DNPEP: variants seen among roughly 807,000 people sequenced by gnomAD.
DNPEP encodes the protein aspartyl aminopeptidase.
DNPEP carries 46 observed loss-of-function variants against 59.1 expected under a neutral mutation model. The ratio of observed to expected loss-of-function variants is 0.78; its 90% CI spans 0.61 to 0.99. DNPEP has a LOEUF of 0.99. DNPEP is among the 50% of genes least tolerant of loss of function. The pLI is 0.00. For missense variants in DNPEP, 617 were observed against 649.9 expected (o/e 0.95, Z 0.55); for synonymous variants, 229 against 242.2 (o/e 0.95, Z 0.50).
At chr2:219,380,712 T>C (rs1953556405) in intron 13 of DNPEP, among the ~76,000 whole-genome samples, 1 of 152,076 alleles carries the variant, frequency 6.6e-6, no homozygotes. Context: ...AATGACAAAA[T>C]TGCCTAATGA....
chr2:219,383,164 G>A lies in DNPEP; in HGVS notation c.903C>T (p.His301=), dbSNP rs1026075607. 11 of 1,614,198 alleles carry A rather than the reference G, an allele frequency of 6.8e-6. No individual in the cohort carries two copies. The highest frequency in any genetic ancestry group is 4.4e-5 in the South Asian group (4 of 91,084). ...AGPGSLATEP[H]VRMVTLYDNE... ...TGTCATAGAGTGTGACCATGCGCACGTGAGGCTCTGTGGCCAGGGAGCCAG... is the reference window on the plus strand; with the variant it reads ...TGTCATAGAGTGTGACCATGCGCACATGAGGCTCTGTGGCCAGGGAGCCAG... Residue 301 remains histidine, a synonymous_variant, in exon 10 of 15, where the codon CAC becomes CAT. Transcript: ENST00000273075.
chr2:219,385,881 A>T (rs1195519128), intron 6 of DNPEP, 87 bp downstream of exon 6: 3 of 1,552,988 alleles, frequency 1.9e-6, no homozygotes, highest in Non-Finnish European at 1.8e-6. Flanking sequence ...CAAGAGTAAA[A>T]TGTGACCTAA....
At chr2:219,387,466 A>T in intron 1 of DNPEP, 6 of 1,430,804 alleles carry the variant, frequency 4.2e-6, no homozygotes, top group Non-Finnish European at 5.5e-6. Flanking sequence ...AAACTCCGGG[A>T]TCCCAAGCGG....
At position 219,383,153 on chromosome 2, in the gene DNPEP, A is replaced by G. The variant is rs1276691295; in HGVS notation, c.914T>C (p.Val305Ala). ...SLATEPHVRM[V>A]TLYDNEEVGS... is the part of the protein sequence containing the mutation. ...TACCTCTTCGTTGTCATAGAGTGTG[A>G]CCATGCGCACGTGAGGCTCTGTGGC... Residue 305 changes from valine (V) to alanine (A), a missense_variant, in exon 10 of 15, where the codon GTC becomes GCC. By Grantham distance (64) the Val-to-Ala change is moderately conservative (BLOSUM62 0). Coordinates refer to ENST00000273075, the MANE Select transcript of DNPEP (RefSeq NM_012100.4). 1 of 1,614,174 alleles carries G rather than the reference A, an allele frequency of 6.2e-7. No homozygotes were observed. The highest frequency in any genetic ancestry group is 1.7e-5 in the Admixed American group (1 of 60,026).
intron 8 of DNPEP, 52 bp from the exon 9 acceptor site, chr2:219,384,495 C>G: frequency 6.7e-7 from 1 of 1,488,594 alleles, no homozygotes; most frequent in South Asian, 1.2e-5. Context: ...CCCCACTCAC[C>G]TTTCTTTTGC....
upstream of DNPEP, among the ~76,000 whole-genome samples, chr2:219,390,421 T>C (rs1362376793): frequency 6.6e-6 from 1 of 152,102 alleles, no homozygotes; most frequent in African/African-American, 2.4e-5. Context: ...AGTAAAAAGG[T>C]TCTTATTGAC....
chr2:219,389,069 G>A (rs1489903198), upstream of DNPEP: 2 of 163,730 alleles, frequency 1.2e-5, no homozygotes, highest in Non-Finnish European at 2.5e-5. Context: ...TGTTACACGG[G>A]AGGTCCACAA....
chr2:219,399,295 A>G, intron 1 of DNPEP: 1 of 362,962 alleles, frequency 2.8e-6, no homozygotes, highest in South Asian at 2.1e-5. Flanking sequence ...ATCAAAGGCC[A>G]ACACCTATCT....
rs964373384 is a variant in DNPEP at position 219,377,216 on chromosome 2, A to G, written c.1240-2194T>C. On this transcript the variant is annotated intron_variant, in intron 13 of 14. Coordinates refer to ENST00000273075, the MANE Select transcript of DNPEP (RefSeq NM_012100.4). ...TTGAACCAGGGAGGCGGAGGTTGCAATGAGCCGAGATCACGCCATTAGACT... is the reference window on the plus strand; with the variant it reads ...TTGAACCAGGGAGGCGGAGGTTGCAGTGAGCCGAGATCACGCCATTAGACT... Among the ~76,000 whole-genome samples, 3 of 137,564 alleles carry G rather than the reference A, an allele frequency of 2.2e-5. No individual in the cohort carries two copies. The Admixed American group carries it at 2.5e-4, about 12-fold the overall frequency. 90.2% of individuals were successfully genotyped at this position (137,564 alleles called of 152,430 possible).
rs748091405 is a variant in DNPEP at position 219,381,537 on chromosome 2, C to T, written c.1137+8G>A. ...TCCAAGTCCCTAGGGAGAAATGGCACGTCTCACCTTGTGGAATAAAGGCCG... is the reference window on the plus strand; with the variant it reads ...TCCAAGTCCCTAGGGAGAAATGGCATGTCTCACCTTGTGGAATAAAGGCCG... On this transcript the variant is annotated splice_region_variant and intron_variant, in intron 12 of 14. Transcript: ENST00000273075. 9 of 1,614,182 alleles carry T rather than the reference C, an allele frequency of 5.6e-6. No homozygotes were observed. Among genetic ancestry groups the T allele is most frequent in the East Asian group, 4.5e-5 (2 of 44,882 alleles).
rs774743002 is a variant in DNPEP, at chr2:219,374,863, G to C, written c.1399C>G (p.Leu467Val). 6.2e-7 allele frequency: 1 copy of C among 1,613,758 alleles called. No individual in the cohort carries two copies. Among genetic ancestry groups the C allele is most frequent in the Admixed American group, 1.7e-5 (1 of 60,004 alleles). The part of the protein sequence containing the change: ...CTTGVLQTLT[L>V]FKGFFELFPS... The stretch of plus-strand genomic sequence containing the variant: ...TCTGGGGTGGGTGTTACCTTGAAGA[G>C]GGTGAGGGTCTGGAGGACTCCTGTG... Residue 467 changes from leucine (L) to valine (V), a missense_variant, in exon 14 of 15, where the codon CTC becomes GTC. Leu to Val is a conservative substitution (Grantham distance 32, BLOSUM62 1). Coordinates refer to ENST00000273075, the MANE Select transcript of DNPEP (RefSeq NM_012100.4).
chr2:219,378,173 A>G (rs1953448849), intron 13 of DNPEP, among the ~76,000 whole-genome samples: 1 of 152,184 alleles, frequency 6.6e-6, no homozygotes, highest in African/African-American at 2.4e-5. Context: ...TAAATTATTA[A>G]AGAAAAATCT....
Position 219,380,351 on chromosome 2 carries a change from A to T in DNPEP, c.1239+984T>A, listed in dbSNP as rs372628345. Among the ~76,000 whole-genome samples the T allele has an allele frequency of 4.6e-5, 7 of 151,844 alleles. No homozygotes were observed. The East Asian group carries it at 1.4e-3, about 30-fold the overall frequency. On this transcript the variant is annotated intron_variant, in intron 13 of 14. Coordinates refer to ENST00000273075, the MANE Select transcript of DNPEP (RefSeq NM_012100.4). ...CCCAAGTAGGGAAGGCCTCCCAAGT[A>T]GCTGGGACTACAGGCATGCACCACT...
intron 1 of DNPEP, among the ~76,000 whole-genome samples, chr2:219,394,960 G>GTT (rs912982371): frequency 1.4e-5 from 2 of 144,366 alleles, no homozygotes; most frequent in Admixed American, 6.9e-5. Context: ...ACAAGACAAG[G>GTT]TTTTTTTTTT....
At chr2:219,398,804 G>A (rs1057364725) in intron 1 of DNPEP, among the ~76,000 whole-genome samples, 53 of 152,246 alleles carry the variant, frequency 3.5e-4, no homozygotes, top group African/African-American at 1.2e-3. Flanking sequence ...TACCACCCAA[G>A]GGTAATGTCT....
intron 13 of DNPEP, among the ~76,000 whole-genome samples, chr2:219,376,979 A>G (rs1270485308): frequency 1.3e-5 from 2 of 152,068 alleles, no homozygotes; most frequent in African/African-American, 2.4e-5. Context: ...CTAGCCCAAA[A>G]TGTTTAACTT....
upstream of DNPEP, among the ~76,000 whole-genome samples, chr2:219,389,251 C>G (rs1330565435): frequency 1.3e-5 from 2 of 152,134 alleles, no homozygotes; most frequent in African/African-American, 4.8e-5. Flanking sequence ...CGTTTAAACC[C>G]CATGCACCTT....
At chr2:219,377,426 G>A (rs532871439) in intron 13 of DNPEP, among the ~76,000 whole-genome samples, 1 of 151,688 alleles carries the variant, frequency 6.6e-6, no homozygotes, top group South Asian at 2.1e-4. Flanking sequence ...TCTTGAATAA[G>A]CCAATGCTAT....
intron 1 of DNPEP, among the ~76,000 whole-genome samples, chr2:219,397,406 C>T (rs1954117025): frequency 6.6e-6 from 1 of 152,000 alleles, no homozygotes; most frequent in South Asian, 2.1e-4. Context: ...TGCTCTGTTG[C>T]CCAGGCTGGA....
Sources: gnomAD v4.1 joint callset for allele counts (sites outside exome capture counted in the v4.1 genomes callset) on GRCh38, gnomAD v4.1.1 for gene constraint, MANE v1.5 for transcripts, NCBI Gene and HGNC (gene_info 2026-07-23, HGNC 2026-07-21) for gene names.